Variants in LCK observed in about 807,000 individuals in gnomAD.
LCK encodes LCK proto-oncogene, Src family tyrosine kinase.
LCK carries 14 observed loss-of-function variants against 64.6 expected under a neutral mutation model. The observed-to-expected ratio is 0.22, with a 90% CI of 0.14 to 0.34. LCK has a LOEUF of 0.34. LCK is among the 10% of genes least tolerant of loss of function. LCK has a pLI of 1.00. For synonymous variants in LCK, 277 were observed against 263.6 expected (o/e 1.05, Z -0.49); for missense variants, 434 against 668.1 (o/e 0.65, Z 3.86).
chr1:32,273,133 G>T, intron 1 of LCK, among the ~76,000 whole-genome samples: 1 of 125,716 alleles, frequency 8.0e-6, no homozygotes, highest in Non-Finnish European at 1.7e-5. Flanking sequence ...TGTGAGAGTG[G>T]GTGCCTGTGT....
At chr1:32,267,074 A>T (rs1037868286) in intron 1 of LCK, among the ~76,000 whole-genome samples, 1 of 151,522 alleles carries the variant, frequency 6.6e-6, no homozygotes. Context: ...CAGGATGCTC[A>T]CTACCTCACA....
rs1413169101 is a variant in LCK at position 32,274,515 on chromosome 1, G to A, written c.105+81G>A. The A allele has an allele frequency of 3.4e-6, 4 of 1,191,824 alleles. No individual in the cohort carries two copies. The East Asian group carries it at 9.4e-5, about 28-fold the overall frequency. 73.8% of individuals were successfully genotyped at this position (1,191,824 alleles called of 1,614,324 possible). On this transcript the variant is annotated intron_variant, in intron 2 of 12. Coordinates refer to ENST00000336890, the MANE Select transcript of LCK (RefSeq NM_005356.5). Reference sequence around the variant, plus strand: ...GAGAAAGAAATGACCAGCACTACAGGCCCTTGAAAGAATAGAGTGGCCCTC... The same window carrying A: ...GAGAAAGAAATGACCAGCACTACAGACCCTTGAAAGAATAGAGTGGCCCTC...
chr1:32,285,249 C>T (rs941623841), intron 12 of LCK, among the ~76,000 whole-genome samples: 4 of 151,812 alleles, frequency 2.6e-5, no homozygotes, highest in East Asian at 3.9e-4. Flanking sequence ...TGCGGTGAGC[C>T]GAGATCGCAC....
intron 1 of LCK, among the ~76,000 whole-genome samples, chr1:32,259,820 G>A (rs1168433688): frequency 1.3e-5 from 2 of 151,642 alleles, no homozygotes; most frequent in East Asian, 3.9e-4. Flanking sequence ...GCAAGACCCT[G>A]TCTCAAAATA....
chr1:32,269,320 C>G (rs1010093238), intron 1 of LCK: 3 of 151,852 alleles, frequency 2.0e-5, no homozygotes, highest in African/African-American at 7.3e-5. Flanking sequence ...TGCCTGTAGT[C>G]CTAGCTAGTC....
intron 1 of LCK, among the ~76,000 whole-genome samples, chr1:32,256,169 T>C (rs759634186): frequency 6.6e-5 from 10 of 151,880 alleles, no homozygotes; most frequent in Non-Finnish European, 1.2e-4. Flanking sequence ...GATGGAGTCT[T>C]GCTCTGTCAC....
chr1:32,274,641 A>G, intron 2 of LCK, 96 bp from the exon 3 acceptor site: 2 of 1,086,226 alleles, frequency 1.8e-6, no homozygotes, highest in Non-Finnish European at 2.7e-6. Flanking sequence ...ACATCTAACC[A>G]GGCTGGAGAG....
chr1:32,259,339 G>A (rs1557571639), intron 1 of LCK, among the ~76,000 whole-genome samples: 1 of 151,176 alleles, frequency 6.6e-6, no homozygotes, highest in Non-Finnish European at 1.5e-5. Flanking sequence ...CTGGAGGCTG[G>A]GTGCGGTGGC....
chr1:32,275,890 T>C lies in LCK; in HGVS notation c.482-24T>C. The stretch of plus-strand genomic sequence containing the variant: ...AGACTCACTGCGTTCTTTCGTCGCT[T>C]TGTCCATCCATTCATTCATTCAGGA... On this transcript the variant is annotated intron_variant, in intron 6 of 12. Coordinates refer to ENST00000336890, the MANE Select transcript of LCK (RefSeq NM_005356.5). The surrounding 1 kb of genome is among the most constrained non-coding windows in gnomAD (Gnocchi z 6.9). 2 of 1,613,030 alleles carry C rather than the reference T, an allele frequency of 1.2e-6. No homozygotes were observed. Among genetic ancestry groups the C allele is most frequent in the Non-Finnish European group, 1.7e-6 (2 of 1,179,164 alleles).
Position 32,280,230 on chromosome 1 carries a change from AC to A in LCK, c.1327+21del. 2.5e-6 allele frequency: 4 copies of A among 1,613,714 alleles called. No individual in the cohort carries two copies. Among genetic ancestry groups the A allele is most frequent in the Non-Finnish European group, 3.4e-6 (4 of 1,179,846 alleles). On this transcript the variant is annotated intron_variant, in intron 12 of 12. Coordinates refer to ENST00000336890, the MANE Select transcript of LCK (RefSeq NM_005356.5). ...ACCCAGGTTAGAGCCAAGGGCAGGA[AC>A]TGAAAGGGTGATGGGAAGGGCAAGT...
At chr1:32,274,057 T>A in intron 1 of LCK, 1 of 547,862 alleles carries the variant, frequency 1.8e-6, no homozygotes, top group South Asian at 2.1e-5. Flanking sequence ...CAAAGGTGCC[T>A]GTGGCGGTTT....
intron 1 of LCK, among the ~76,000 whole-genome samples, chr1:32,265,773 C>T (rs1241467294): frequency 2.6e-5 from 4 of 152,180 alleles, no homozygotes; most frequent in Non-Finnish European, 4.4e-5. Flanking sequence ...GCTTCTTCTA[C>T]TGGCCTTTTC....
At chr1:32,278,279 C>CT (rs1373152621) in intron 9 of LCK, among the ~76,000 whole-genome samples, 3 of 151,968 alleles carry the variant, frequency 2.0e-5, no homozygotes, top group Non-Finnish European at 4.4e-5. Flanking sequence ...AAGATCTATC[C>CT]TTTTTTCAGG....
At chr1:32,254,267 C>T (rs1429148295) in intron 1 of LCK, among the ~76,000 whole-genome samples, 1 of 152,120 alleles carries the variant, frequency 6.6e-6, no homozygotes, top group Non-Finnish European at 1.5e-5. Context: ...GCCTGTAATC[C>T]CAGCACTTTG....
chr1:32,266,568 G>A (rs1639915627), intron 1 of LCK, among the ~76,000 whole-genome samples: 1 of 149,052 alleles, frequency 6.7e-6, no homozygotes, highest in Non-Finnish European at 1.5e-5. Flanking sequence ...TTATAGGCCT[G>A]AGCTACTACG....
chr1:32,283,827 T>C (rs537928734), intron 12 of LCK, among the ~76,000 whole-genome samples: 134 of 152,290 alleles, frequency 8.8e-4, no homozygotes, highest in Non-Finnish European at 1.5e-3. Context: ...CCCTGGGCCC[T>C]GACCATCTCA....
intron 12 of LCK, among the ~76,000 whole-genome samples, chr1:32,283,725 G>A (rs1640529566): frequency 6.6e-6 from 1 of 152,126 alleles, no homozygotes; most frequent in African/African-American, 2.4e-5. Flanking sequence ...CTAGGCCCAG[G>A]GTCCATTTGG....
intron 12 of LCK, among the ~76,000 whole-genome samples, chr1:32,280,443 C>CTTTTTTTTTTT (rs770430504): frequency 2.5e-4 from 21 of 84,748 alleles, no homozygotes; most frequent in African/African-American, 8.2e-4. Context: ...TTTTCTTTTT[C>CTTTTTTTTTTT]TTTTTTTTTT....
intron 1 of LCK, among the ~76,000 whole-genome samples, chr1:32,263,166 C>T (rs917588868): frequency 6.6e-6 from 1 of 151,724 alleles, no homozygotes; most frequent in African/African-American, 2.4e-5. Flanking sequence ...CGGAGGTGGG[C>T]AGGCCACTTG....
Sources: gnomAD v4.1 joint callset for allele counts (sites outside exome capture counted in the v4.1 genomes callset) on GRCh38, gnomAD v4.1.1 for gene constraint, Gnocchi (gnomAD v3.1) non-coding constraint, MANE v1.5 for transcripts, NCBI Gene and HGNC (gene_info 2026-07-23, HGNC 2026-07-21) for gene names.